The following GRM1 variants were observed in gnomAD, a reference collection of about 807,000 sequenced individuals.
GRM1 encodes the protein metabotropic glutamate receptor 1.
Under a neutral mutation model 90.9 loss-of-function variants are expected in GRM1, and 33 were observed. The ratio of observed to expected loss-of-function variants is 0.36; its 90% CI spans 0.28 to 0.49. The LOEUF is 0.49. GRM1 is among the 20% of genes least tolerant of loss of function. The pLI is 0.99. For synonymous variants in GRM1, 700 were observed against 613.2 expected, an observed-to-expected ratio of 1.14 and a Z score of -2.09; for missense variants, 1,190 against 1,534.3, an observed-to-expected ratio of 0.78 and a Z score of 3.75.
chr6:146,242,048 G>A (rs1038257310), intron 2 of GRM1, among the ~76,000 whole-genome samples: 22 of 152,102 alleles, frequency 1.4e-4, no homozygotes, highest in African/African-American at 4.8e-4. Flanking sequence ...GGCTGAAAAG[G>A]AATAGTATTC....
intron 1 of GRM1, among the ~76,000 whole-genome samples, chr6:146,040,420 G>A (rs1177875692): frequency 1.3e-5 from 2 of 151,986 alleles, no homozygotes; most frequent in African/African-American, 4.8e-5. Flanking sequence ...TCAGATTGAA[G>A]AACTCCCTTT....
At chr6:146,262,210 C>T (rs947219774) in intron 2 of GRM1, among the ~76,000 whole-genome samples, 1 of 151,716 alleles carries the variant, frequency 6.6e-6, no homozygotes, top group African/African-American at 2.4e-5. Flanking sequence ...TTATCTGCAC[C>T]CAGTCAAGAT....
chr6:146,101,771 T>C lies in GRM1; in HGVS notation c.701-57577T>C, dbSNP rs541411386. On this transcript the variant is annotated intron_variant, in intron 1 of 7. Transcript: ENST00000282753. ...AATATCACTGGTATTATTATGACTATACTTATAGCTATAATTATAATTATA... is the reference window on the plus strand; with the variant it reads ...AATATCACTGGTATTATTATGACTACACTTATAGCTATAATTATAATTATA... Among the ~76,000 whole-genome samples, 247 of 150,510 alleles carry C rather than the reference T, an allele frequency of 1.6e-3. 1 individual carries two copies. The highest frequency in any genetic ancestry group is 5.8e-3 in the African/African-American group (237 of 41,196).
chr6:146,206,944 G>A (rs999622527), intron 2 of GRM1, among the ~76,000 whole-genome samples: 1 of 152,108 alleles, frequency 6.6e-6, no homozygotes, highest in African/African-American at 2.4e-5. Flanking sequence ...AAGGAAAATA[G>A]CCTCCAGCCC....
At chr6:146,140,323 G>T (rs1583060652) in intron 1 of GRM1, among the ~76,000 whole-genome samples, 1 of 151,848 alleles carries the variant, frequency 6.6e-6, no homozygotes, top group African/African-American at 2.4e-5. Flanking sequence ...AGGCTGGAGT[G>T]CAGTGCACGA....
intron 1 of GRM1, among the ~76,000 whole-genome samples, chr6:146,123,583 C>T (rs1202131748): frequency 2.6e-5 from 4 of 152,202 alleles, no homozygotes; most frequent in Non-Finnish European, 5.9e-5. Context: ...ATGATACAAT[C>T]AGCAGTACAG....
intron 2 of GRM1, among the ~76,000 whole-genome samples, chr6:146,208,555 C>G (rs1779571216): frequency 6.6e-6 from 1 of 152,028 alleles, no homozygotes; most frequent in South Asian, 2.1e-4. Flanking sequence ...AACCTTATTT[C>G]TGGACTCTGC....
At chr6:146,132,711 C>G (rs1776455905) in intron 1 of GRM1, among the ~76,000 whole-genome samples, 1 of 152,174 alleles carries the variant, frequency 6.6e-6, no homozygotes, top group Non-Finnish European at 1.5e-5. Context: ...TACTTTAAAA[C>G]CTAGTATAGA....
intron 1 of GRM1, among the ~76,000 whole-genome samples, chr6:146,100,683 C>T (rs1777020973): frequency 6.6e-6 from 1 of 152,194 alleles, no homozygotes; most frequent in Non-Finnish European, 1.5e-5. Flanking sequence ...CAAGTCCTTT[C>T]TGCCTTATTT....
chr6:146,072,017 A>G (rs1439940870), intron 1 of GRM1, among the ~76,000 whole-genome samples: 1 of 152,164 alleles, frequency 6.6e-6, no homozygotes, highest in Non-Finnish European at 1.5e-5. Flanking sequence ...CATTCGTGAC[A>G]CTAGTGTTTC....
At chr6:146,345,721 C>T (rs1481521635) in intron 3 of GRM1, among the ~76,000 whole-genome samples, 1 of 152,208 alleles carries the variant, frequency 6.6e-6, no homozygotes, top group Non-Finnish European at 1.5e-5. Context: ...GATCTGCCTT[C>T]TGCCTTCTTA....
At chr6:146,409,574 T>TTTTGC (rs543423765) in intron 7 of GRM1, among the ~76,000 whole-genome samples, 3 of 152,164 alleles carry the variant, frequency 2.0e-5, no homozygotes, top group South Asian at 2.1e-4. Flanking sequence ...TTTTGTTTTG[T>TTTTGC]TTTGCTTTGC....
chr6:146,292,173 A>G (rs1562586739), intron 2 of GRM1, among the ~76,000 whole-genome samples: 1 of 152,026 alleles, frequency 6.6e-6, no homozygotes, highest in Non-Finnish European at 1.5e-5. Flanking sequence ...TGACCTAAAT[A>G]TAAGAGGTGA....
intron 1 of GRM1, among the ~76,000 whole-genome samples, chr6:146,030,419 T>C (rs1210552159): frequency 6.6e-6 from 1 of 152,200 alleles, no homozygotes; most frequent in Non-Finnish European, 1.5e-5. Context: ...CCCCATAGAA[T>C]ATCTGAGGAT....
chr6:146,151,113 A>T (rs1367824276), intron 1 of GRM1, among the ~76,000 whole-genome samples: 2 of 152,192 alleles, frequency 1.3e-5, no homozygotes, highest in African/African-American at 4.8e-5. Flanking sequence ...GTTGACAGGG[A>T]GTGATCTGTG....
chr6:146,284,251 C>A (rs1782681308), intron 2 of GRM1, among the ~76,000 whole-genome samples: 1 of 151,998 alleles, frequency 6.6e-6, no homozygotes, highest in Non-Finnish European at 1.5e-5. Context: ...AGTTTACTAA[C>A]AAAGATAGGC....
Position 146,145,770 on chromosome 6 carries a change from G to A in GRM1, c.701-13578G>A, listed in dbSNP as rs906696878. Among the ~76,000 whole-genome samples, 5 of 152,138 alleles carry A rather than the reference G, an allele frequency of 3.3e-5. No homozygotes were observed. In the South Asian group the frequency reaches 6.2e-4, roughly 19 times the overall value. On this transcript the variant is annotated intron_variant, in intron 1 of 7. Coordinates refer to ENST00000282753, the MANE Select transcript of GRM1 (RefSeq NM_001278064.2). ...GAGCTTCTGCAGAGTACTCACTAGG[G>A]CAATGCCCATTGGAGCCATGAGAGT...
chr6:146,321,910 C>G (rs1784203105), intron 3 of GRM1, among the ~76,000 whole-genome samples: 1 of 152,052 alleles, frequency 6.6e-6, no homozygotes, highest in African/African-American at 2.4e-5. Flanking sequence ...GGTCTTGACT[C>G]TTTATCCAAT....
At chr6:146,101,689 A>T (rs1339340342) in intron 1 of GRM1, among the ~76,000 whole-genome samples, 1 of 152,086 alleles carries the variant, frequency 6.6e-6, no homozygotes, top group Non-Finnish European at 1.5e-5. Context: ...ACATTGCTAT[A>T]ATGCTAAAAG....
Sources: gnomAD v4.1 joint callset for allele counts (sites outside exome capture counted in the v4.1 genomes callset) on GRCh38, gnomAD v4.1.1 for gene constraint, MANE v1.5 for transcripts, NCBI Gene and HGNC (gene_info 2026-07-23, HGNC 2026-07-21) for gene names.